Variants in ADAMTSL1 observed in about 807,000 individuals in gnomAD.
ADAMTSL1 encodes the protein ADAMTS like 1, also known as ADAMTS-like protein 1.
Under a neutral mutation model 201.8 loss-of-function variants are expected in ADAMTSL1, and 126 were observed. The ratio of observed to expected loss-of-function variants is 0.62; its 90% CI spans 0.54 to 0.72. ADAMTSL1 has a LOEUF of 0.72. ADAMTSL1 is among the 30% of genes least tolerant of loss of function. The pLI is 0.00. For missense variants in ADAMTSL1, 2,679 were observed against 2,277.8 expected (o/e 1.18, Z -3.59); for synonymous variants, 1,121 against 903.4 (o/e 1.24, Z -4.32).
chr9:18,247,641 G>A (rs1211328515), intron 2 of ADAMTSL1, among the ~76,000 whole-genome samples: 1 of 152,116 alleles, frequency 6.6e-6, no homozygotes, highest in African/African-American at 2.4e-5. Context: ...CTGGTGGTCC[G>A]AGAAGGTCTT....
At chr9:18,605,427 A>G (rs1049541696) in intron 4 of ADAMTSL1, among the ~76,000 whole-genome samples, 2 of 152,246 alleles carry the variant, frequency 1.3e-5, no homozygotes, top group African/African-American at 4.8e-5. Flanking sequence ...CCCAATTGCA[A>G]AAGAAGTTAT....
rs182664982 is a variant in ADAMTSL1 at position 18,025,092 on chromosome 9, C to T, written c.87+118170C>T. On this transcript the variant is annotated intron_variant, in intron 1 of 29. Coordinates refer to the ADAMTSL1 transcript ENST00000680146. ...TTTAAGAAGTGTTGTTCATTTCCTT[C>T]GCCTACTTTTTAATTGGGTTTTTTT... Among the ~76,000 whole-genome samples, 536 of 151,972 alleles carry T rather than the reference C, an allele frequency of 3.5e-3. 3 individuals carry two copies. Among genetic ancestry groups the T allele is most frequent in the Non-Finnish European group, 4.8e-3 (325 of 67,910 alleles).
At position 18,456,317 on chromosome 9, in the gene ADAMTSL1, A is replaced by G. The variant is rs112133876; in HGVS notation, c.208-48512A>G. Among the ~76,000 whole-genome samples the G allele has an allele frequency of 3.7e-3, 566 of 152,306 alleles. 5 individuals carry two copies. Among genetic ancestry groups the G allele is most frequent in the African/African-American group, 0.013 (526 of 41,568 alleles). On this transcript the variant is annotated intron_variant, in intron 2 of 29. Coordinates refer to the ADAMTSL1 transcript ENST00000680146. ...CAAGCCTTGAATAACCAATCAGTTG[A>G]GTGTGGCTCCCATGCAGCCTCCTCC...
intron 2 of ADAMTSL1, among the ~76,000 whole-genome samples, chr9:18,286,970 G>A (rs1213293694): frequency 1.3e-5 from 2 of 152,100 alleles, no homozygotes; most frequent in East Asian, 1.9e-4. Context: ...GAGATAAACT[G>A]TATAAAACAC....
intron 2 of ADAMTSL1, among the ~76,000 whole-genome samples, chr9:18,429,617 G>A (rs1289017104): frequency 6.6e-6 from 1 of 152,018 alleles, no homozygotes; most frequent in Non-Finnish European, 1.5e-5. Flanking sequence ...AAAATGCAGA[G>A]CAGCATTAAT....
intron 13 of ADAMTSL1, among the ~76,000 whole-genome samples, chr9:18,691,884 G>C (rs1831242784): frequency 1.3e-5 from 2 of 152,168 alleles, no homozygotes; most frequent in Non-Finnish European, 2.9e-5. Flanking sequence ...ATAAATTTTT[G>C]TTGTGATTAG....
intron 1 of ADAMTSL1, among the ~76,000 whole-genome samples, chr9:17,916,192 A>G (rs1455497546): frequency 3.9e-5 from 6 of 152,212 alleles, no homozygotes; most frequent in Non-Finnish European, 5.9e-5. Flanking sequence ...AAGTACTGGG[A>G]TTACAGGTGT....
chr9:17,999,740 G>A (rs1470998522), intron 1 of ADAMTSL1, among the ~76,000 whole-genome samples: 1 of 150,018 alleles, frequency 6.7e-6, no homozygotes, highest in Non-Finnish European at 1.5e-5. Context: ...ATCTCCCAAT[G>A]CTATCCCTCC....
At chr9:18,281,104 A>C (rs565592268) in intron 2 of ADAMTSL1, among the ~76,000 whole-genome samples, 13 of 152,246 alleles carry the variant, frequency 8.5e-5, no homozygotes, top group African/African-American at 3.1e-4. Flanking sequence ...GGGAGAAGAA[A>C]AGGCCCACAT....
At chr9:18,507,182 G>T (rs935820983) in intron 2 of ADAMTSL1, among the ~76,000 whole-genome samples, 1 of 152,150 alleles carries the variant, frequency 6.6e-6, no homozygotes, top group African/African-American at 2.4e-5. Context: ...ATCCTTGTAA[G>T]ACAAACAACA....
intron 2 of ADAMTSL1, among the ~76,000 whole-genome samples, chr9:18,529,947 T>TAAG (rs1244376895): frequency 6.6e-6 from 1 of 152,192 alleles, no homozygotes; most frequent in Non-Finnish European, 1.5e-5. Context: ...TCCTAAATAA[T>TAAG]AAGTATTTAA....
At chr9:18,626,853 TTC>T (rs1161315835) in intron 5 of ADAMTSL1, among the ~76,000 whole-genome samples, 20 of 133,382 alleles carry the variant, frequency 1.5e-4, no homozygotes, top group African/African-American at 6.2e-4. Flanking sequence ...CTTTCTTTCT[TTC>T]TTTCTTTCTT....
At chr9:18,161,565 C>T (rs929350603) in intron 1 of ADAMTSL1, among the ~76,000 whole-genome samples, 2 of 151,970 alleles carry the variant, frequency 1.3e-5, no homozygotes, top group African/African-American at 4.8e-5. Flanking sequence ...TTACTGTAAA[C>T]CCAGTTCTTG....
chr9:18,551,850 A>C (rs576144389), intron 3 of ADAMTSL1, among the ~76,000 whole-genome samples: 1 of 151,620 alleles, frequency 6.6e-6, no homozygotes, highest in African/African-American at 2.4e-5. Context: ...GTTTTCTCTC[A>C]CTTGTCTAAG....
chr9:18,226,676 T>G (rs1031480635), intron 2 of ADAMTSL1, among the ~76,000 whole-genome samples: 67 of 152,280 alleles, frequency 4.4e-4, no homozygotes, highest in African/African-American at 1.6e-3. Flanking sequence ...CCATTCAGCC[T>G]TAACTGGTCT....
intron 23 of ADAMTSL1, among the ~76,000 whole-genome samples, chr9:18,883,276 C>T (rs1272108795): frequency 6.6e-6 from 1 of 152,174 alleles, no homozygotes; most frequent in African/African-American, 2.4e-5. Flanking sequence ...CTGTTCTCCA[C>T]ATTTCTCTCA....
intron 3 of ADAMTSL1, among the ~76,000 whole-genome samples, chr9:18,556,992 A>G (rs1821146427): frequency 1.3e-5 from 2 of 151,960 alleles, no homozygotes; most frequent in South Asian, 4.1e-4. Context: ...GGGTATCTGT[A>G]GGAGGAATTC....
chr9:18,057,901 T>A (rs1056264522), intron 1 of ADAMTSL1, among the ~76,000 whole-genome samples: 4 of 152,198 alleles, frequency 2.6e-5, no homozygotes, highest in African/African-American at 9.7e-5. Context: ...CTATTATCCA[T>A]CTTTGTTACA....
At chr9:17,947,968 A>G (rs1471402830) in intron 1 of ADAMTSL1, among the ~76,000 whole-genome samples, 1 of 152,116 alleles carries the variant, frequency 6.6e-6, no homozygotes, top group Non-Finnish European at 1.5e-5. Context: ...GCAGACATTG[A>G]TGCTTCTTGG....
Sources: gnomAD v4.1 joint callset for allele counts (sites outside exome capture counted in the v4.1 genomes callset) on GRCh38, gnomAD v4.1.1 for gene constraint, MANE v1.5 for transcripts, NCBI Gene and HGNC (gene_info 2026-07-23, HGNC 2026-07-21) for gene names.